Variants in ABCC5 observed in about 807,000 individuals in gnomAD.
The protein encoded by ABCC5 is ATP binding cassette subfamily C member 5.
ABCC5 carries 61 observed loss-of-function variants against 160.9 expected under a neutral mutation model. That is an observed-to-expected ratio of 0.38 (90% CI 0.31 to 0.47). The LOEUF (loss-of-function observed/expected upper bound fraction) is 0.47, where lower values mean the gene tolerates loss of function less well. ABCC5 is among the 20% of genes least tolerant of loss of function. The pLI, the probability that ABCC5 is intolerant of heterozygous loss-of-function variation, is 0.99. For synonymous variants in ABCC5, 666 were observed against 700.6 expected, an observed-to-expected ratio of 0.95 and a Z score of 0.78; for missense variants, 1,308 against 1,813.3, an observed-to-expected ratio of 0.72 and a Z score of 5.06.
In ABCC5 at chr3:183,963,397, G is replaced by A. The variant is rs772744831; in HGVS notation, c.2223C>T (p.Thr741=). The A allele has an allele frequency of 8.7e-6, 14 of 1,614,224 alleles. No individual in the cohort carries two copies. The South Asian group carries it at 1.4e-4, about 16-fold the overall frequency. The change falls in exon 15 of 30, where the codon ACC becomes ACT. Residue 741 remains threonine, a synonymous_variant. Transcript: ENST00000334444. The surrounding 1 kb of genome is among the most constrained non-coding windows in gnomAD (Gnocchi z 4.6). ...GAAAGAACCATACCTGTAACTGGTG[G>A]GTAACAAACAGAACTGTCTTGGACT... is the stretch of plus-strand genomic sequence containing the variant. ...HLKSKTVLFV[T]HQLQYLVDCD...
intron 26 of ABCC5, 67 bp downstream of exon 26, chr3:183,937,834 A>G (rs768472888): frequency 6.4e-7 from 1 of 1,561,944 alleles, no homozygotes; most frequent in Non-Finnish European, 8.7e-7. Context: ...TGCTAGCATC[A>G]TGTGGTCCCA....
chr3:183,997,777 T>C (rs1234504631), intron 2 of ABCC5, among the ~76,000 whole-genome samples: 1 of 152,130 alleles, frequency 6.6e-6, no homozygotes, highest in Non-Finnish European at 1.5e-5. Context: ...TCTCTAGCTG[T>C]TTTGCTTATT....
Position 183,947,339 on chromosome 3 carries a change from G to A in ABCC5, c.3399C>T (p.Ile1133=). 6.2e-7 allele frequency: 1 copy of A among 1,611,528 alleles called. No individual in the cohort carries two copies. The change falls in exon 23 of 30, where the codon ATC becomes ATT. Residue 1133 remains isoleucine, a synonymous_variant. Transcript: ENST00000334444. ...QIPPAYAGLA[I]SYAVQLTGLF... is the part of the protein sequence containing the mutation. ...AGAGACTGACCTGGACAGCATAAGA[G>A]ATGGCGAGACCCGCATAGGCTGGGG...
chr3:183,939,044 A>G (rs1714025811), intron 25 of ABCC5, among the ~76,000 whole-genome samples: 1 of 152,196 alleles, frequency 6.6e-6, no homozygotes, highest in African/African-American at 2.4e-5. Context: ...ATCTCCCATA[A>G]TCTCACTTCT....
rs551779406 is a variant in ABCC5 at position 184,017,545 on chromosome 3, C to G, written c.-56+285G>C. The G allele has an allele frequency of 2.0e-5, 3 of 152,298 alleles. No homozygotes were observed. Among genetic ancestry groups the G allele is most frequent in the African/African-American group, 7.2e-5 (3 of 41,560 alleles). The allele number at this position is 152,298 out of a possible 1,614,324, so 9.4% of individuals were successfully genotyped here. ...CCACGGCCCGCGGGCGCAGCGCCCC[C>G]TGGCGGCCGCGGCCAGGGACGTAGC... On this transcript the variant is annotated intron_variant, in intron 1 of 29. Transcript: ENST00000334444. This position sits in a 1 kb window ranked among gnomAD's most constrained non-coding sequence, Gnocchi z 4.5.
At position 183,995,890 on chromosome 3, in the gene ABCC5, C is replaced by A. The variant is rs539256084; in HGVS notation, c.130-6507G>T. Reference sequence around the variant, plus strand: ...TGGTGCGACCTAAGCTCACTGCAAGCTCCGCCTCCCGGGTTCACTCCATTC... The same window carrying A: ...TGGTGCGACCTAAGCTCACTGCAAGATCCGCCTCCCGGGTTCACTCCATTC... On this transcript the variant is annotated intron_variant, in intron 2 of 29. Coordinates refer to ENST00000334444, the MANE Select transcript of ABCC5 (RefSeq NM_005688.4). Among the ~76,000 whole-genome samples the A allele has an allele frequency of 4.6e-5, 7 of 152,216 alleles. No individual in the cohort carries two copies. In the South Asian group the frequency reaches 1.5e-3, roughly 32 times the overall value.
chr3:183,925,803 A>G, intron 28 of ABCC5, 84 bp from the exon 29 acceptor site: 2 of 1,358,846 alleles, frequency 1.5e-6, no homozygotes, highest in Non-Finnish European at 2.0e-6. Context: ...AATGTATTTC[A>G]TTTAAGTTTT....
chr3:183,979,897 C>CG (rs1323843146), intron 8 of ABCC5, among the ~76,000 whole-genome samples: 1 of 149,306 alleles, frequency 6.7e-6, no homozygotes, highest in Non-Finnish European at 1.5e-5. Flanking sequence ...TTTTTTAAGA[C>CG]GGGAGTCTCA....
chr3:184,016,532 A>AT, intron 1 of ABCC5, among the ~76,000 whole-genome samples: 1 of 152,346 alleles, frequency 6.6e-6, no homozygotes, highest in Admixed American at 6.5e-5. Flanking sequence ...GCAAGCAAGG[A>AT]TGGATCCCCA....
chr3:183,964,243 A>G (rs1717026346), intron 14 of ABCC5, among the ~76,000 whole-genome samples: 2 of 152,192 alleles, frequency 1.3e-5, no homozygotes, highest in Non-Finnish European at 2.9e-5. Context: ...TTGTTTGGGT[A>G]TCTCATCCTC....
At chr3:183,944,884 G>A (rs1714696841) in intron 24 of ABCC5, among the ~76,000 whole-genome samples, 1 of 152,140 alleles carries the variant, frequency 6.6e-6, no homozygotes, top group African/African-American at 2.4e-5. Flanking sequence ...ATCTCATCTC[G>A]AATTGTATAA....
chr3:183,996,502 G>A (rs957229818), intron 2 of ABCC5, among the ~76,000 whole-genome samples: 1 of 152,152 alleles, frequency 6.6e-6, no homozygotes, highest in African/African-American at 2.4e-5. Context: ...CTCCTAGGTA[G>A]TAAGTTACTT....
chr3:183,927,659 T>A, intron 27 of ABCC5: 1 of 985,450 alleles, frequency 1.0e-6, no homozygotes, highest in African/African-American at 1.7e-5. Context: ...GTTAGCTTTA[T>A]ACCATTAAAA....
intron 7 of ABCC5, 110 bp from the exon 8 acceptor site, chr3:183,981,984 G>C (rs1560030213): frequency 8.1e-7 from 1 of 1,236,910 alleles, no homozygotes; most frequent in Non-Finnish European, 1.1e-6. Flanking sequence ...CTGCTTGCTA[G>C]GATGGGCCAA....
At chr3:183,952,603 G>A (rs1715480357) in intron 18 of ABCC5, among the ~76,000 whole-genome samples, 1 of 152,156 alleles carries the variant, frequency 6.6e-6, no homozygotes. Context: ...GTGACAGTGA[G>A]TTCTCATGAG....
intron 29 of ABCC5, among the ~76,000 whole-genome samples, chr3:183,923,629 AG>A (rs1164590880): frequency 6.6e-6 from 1 of 152,198 alleles, no homozygotes; most frequent in Non-Finnish European, 1.5e-5. Context: ...GCTCAAAAAA[AG>A]AAAAAAAGAA....
intron 2 of ABCC5, among the ~76,000 whole-genome samples, chr3:183,998,596 C>T (rs1436338378): frequency 1.3e-5 from 2 of 152,094 alleles, no homozygotes; most frequent in Admixed American, 6.5e-5. Flanking sequence ...AACTGAGGCA[C>T]ACCGATGTTA....
chr3:183,951,684 G>T lies in ABCC5; in HGVS notation c.2815-114C>A. On this transcript the variant is annotated intron_variant, in intron 19 of 29. Transcript: ENST00000334444. The surrounding 1 kb of genome is among the most constrained non-coding windows in gnomAD (Gnocchi z 4.7). ...AAAGCGGGGAGGTGTGAGGGGTCAG[G>T]AGGGACAGGTGGCAAGTGAGAAAAG... The T allele has an allele frequency of 6.7e-7, 1 of 1,501,472 alleles. No homozygotes were observed. 93.0% of individuals were successfully genotyped at this position (1,501,472 alleles called of 1,614,324 possible).
In ABCC5 at chr3:184,007,271, C is replaced by T. The variant is rs967083527; in HGVS notation, c.129+6993G>A. 6.6e-5 allele frequency among the ~76,000 whole-genome samples: 10 copies of T among 151,724 alleles called. No homozygotes were observed. The East Asian group carries it at 9.9e-4, about 15-fold the overall frequency. On this transcript the variant is annotated intron_variant, in intron 2 of 29. Coordinates refer to ENST00000334444, the MANE Select transcript of ABCC5 (RefSeq NM_005688.4). ...TCCTGACCTTGTGATCTGCCCGCCT[C>T]GGCCTCCCAAAGTGCTGAGATTACA...
Sources: gnomAD v4.1 joint callset for allele counts (sites outside exome capture counted in the v4.1 genomes callset) on GRCh38, gnomAD v4.1.1 for gene constraint, Gnocchi (gnomAD v3.1) non-coding constraint, MANE v1.5 for transcripts, NCBI Gene and HGNC (gene_info 2026-07-23, HGNC 2026-07-21) for gene names.